The following ZNF385D variants were observed in gnomAD, a reference collection of about 807,000 sequenced individuals.
ZNF385D encodes the protein zinc finger protein 659.
A neutral mutation model predicts 35.8 loss-of-function variants in ZNF385D; 15 were observed. The observed-to-expected ratio is 0.42, with a 90% CI of 0.28 to 0.64. ZNF385D has a LOEUF of 0.64. Ranked by LOEUF, ZNF385D falls within the 30% of genes least tolerant of loss-of-function variation. The pLI, the probability that ZNF385D is intolerant of heterozygous loss-of-function variation, is 0.23. For synonymous variants in ZNF385D, 212 were observed against 186.8 expected (o/e 1.13, Z -1.10); for missense variants, 474 against 494.6 (o/e 0.96, Z 0.39).
intron 3 of ZNF385D, among the ~76,000 whole-genome samples, chr3:22,089,931 T>G (rs1701239403): frequency 6.6e-6 from 1 of 152,078 alleles, no homozygotes; most frequent in South Asian, 2.1e-4. Flanking sequence ...CTCTGCCTCC[T>G]GGGTTCAAGC....
chr3:22,244,364 T>TAAAAAAAAAAAAAAAAAAAAAAAAGAAAA (rs1699656199), intron 2 of ZNF385D, among the ~76,000 whole-genome samples: 1 of 62,558 alleles, frequency 1.6e-5, no homozygotes, highest in African/African-American at 5.2e-5. Flanking sequence ...CAACCGAATG[T>TAAAAAAAAAAAAAAAAAAAAAAAAGAAAA]AAAAAAAAAA....
rs373264406 is a variant in ZNF385D at position 21,566,987 on chromosome 3, A to G, written c.166-2303T>C. Reference sequence around the variant, plus strand: ...TGTCTGGAATCTTTCATTCAATACAATGGTGCTCAGATTCATCCATGTTGT... The same window carrying G: ...TGTCTGGAATCTTTCATTCAATACAGTGGTGCTCAGATTCATCCATGTTGT... On this transcript the variant is annotated intron_variant, in intron 2 of 7. Coordinates refer to ENST00000281523, the MANE Select transcript of ZNF385D (RefSeq NM_024697.3). Among the ~76,000 whole-genome samples, 71 of 152,284 alleles carry G rather than the reference A, an allele frequency of 4.7e-4. 1 individual carries two copies. Among genetic ancestry groups the G allele is most frequent in the African/African-American group, 1.5e-3 (63 of 41,572 alleles).
At chr3:21,852,374 A>C (rs1453813047) in intron 3 of ZNF385D, among the ~76,000 whole-genome samples, 1 of 151,908 alleles carries the variant, frequency 6.6e-6, no homozygotes, top group African/African-American at 2.4e-5. Flanking sequence ...TTCCAACACT[A>C]ATCCTAGGTC....
chr3:21,891,223 T>C (rs138052737), intron 3 of ZNF385D, among the ~76,000 whole-genome samples: 10 of 152,306 alleles, frequency 6.6e-5, no homozygotes, highest in African/African-American at 2.4e-4. Context: ...ATTGTTATTA[T>C]TGTTCTGTTT....
At chr3:21,744,621 G>A (rs962873380) in intron 1 of ZNF385D, among the ~76,000 whole-genome samples, 4 of 152,084 alleles carry the variant, frequency 2.6e-5, no homozygotes, top group African/African-American at 9.7e-5. Context: ...AACTGAAATT[G>A]TATCAGGTGA....
chr3:22,306,754 G>A (rs1325228467), intron 2 of ZNF385D, among the ~76,000 whole-genome samples: 1 of 152,160 alleles, frequency 6.6e-6, no homozygotes, highest in Non-Finnish European at 1.5e-5. Context: ...TGGGTATGGA[G>A]TAAGGGAGGA....
At chr3:21,891,976 A>G (rs1375534941) in intron 3 of ZNF385D, among the ~76,000 whole-genome samples, 1 of 152,194 alleles carries the variant, frequency 6.6e-6, no homozygotes, top group Non-Finnish European at 1.5e-5. Flanking sequence ...AATATTATCA[A>G]CAGCAGCAAA....
At chr3:21,869,421 A>G (rs1697565648) in intron 3 of ZNF385D, among the ~76,000 whole-genome samples, 1 of 152,164 alleles carries the variant, frequency 6.6e-6, no homozygotes, top group Non-Finnish European at 1.5e-5. Flanking sequence ...CCCACCGCTC[A>G]TCAGCACATC....
chr3:21,659,124 A>G (rs2066159962), intron 2 of ZNF385D, among the ~76,000 whole-genome samples: 1 of 151,468 alleles, frequency 6.6e-6, no homozygotes, highest in Non-Finnish European at 1.5e-5. Context: ...CTGTCATCGT[A>G]TTTCTAGTGT....
chr3:22,019,703 G>T, intron 3 of ZNF385D, among the ~76,000 whole-genome samples: 1 of 151,798 alleles, frequency 6.6e-6, no homozygotes, highest in East Asian at 1.9e-4. Flanking sequence ...AACCATTTTG[G>T]AGACTCTACA....
intron 2 of ZNF385D, among the ~76,000 whole-genome samples, chr3:22,307,103 G>C (rs1451482926): frequency 6.6e-6 from 1 of 152,080 alleles, no homozygotes; most frequent in Non-Finnish European, 1.5e-5. Context: ...TACAGGAATA[G>C]TCCCAAAGTT....
At chr3:22,133,065 T>A (rs75492280) in intron 3 of ZNF385D, among the ~76,000 whole-genome samples, 5,714 of 152,242 alleles carry the variant, frequency 0.038, 152 homozygotes, top group Non-Finnish European at 0.055. Context: ...TGAAAGCTAA[T>A]TGACTTATTA....
At chr3:21,940,415 G>A (rs1414302040) in intron 3 of ZNF385D, among the ~76,000 whole-genome samples, 1 of 152,188 alleles carries the variant, frequency 6.6e-6, no homozygotes, top group African/African-American at 2.4e-5. Flanking sequence ...AATTGGATGT[G>A]AAGATTAGGA....
Position 21,921,092 on chromosome 3 carries a change from G to A in ZNF385D, c.325+247725C>T, listed in dbSNP as rs191804915. ...AAAAAAAAATAGCCGGCGTGATGGC[G>A]GGCGCCTGTAGTCCCAGCTACTCGG... On this transcript the variant is annotated intron_variant, in intron 3 of 5. Coordinates refer to the ZNF385D transcript ENST00000494108. Among the ~76,000 whole-genome samples the A allele has an allele frequency of 4.1e-3, 623 of 151,676 alleles. 7 individuals are homozygous for A. Among genetic ancestry groups the A allele is most frequent in the African/African-American group, 0.014 (584 of 41,384 alleles).
intron 3 of ZNF385D, among the ~76,000 whole-genome samples, chr3:21,845,579 T>C (rs1695955398): frequency 6.6e-6 from 1 of 151,958 alleles, no homozygotes; most frequent in South Asian, 2.1e-4. Context: ...CTAGAAAACC[T>C]CTCAACATTG....
At chr3:22,289,078 G>A (rs1311248696) in intron 2 of ZNF385D, among the ~76,000 whole-genome samples, 1 of 152,004 alleles carries the variant, frequency 6.6e-6, no homozygotes, top group African/African-American at 2.4e-5. Context: ...TCTATCCTCA[G>A]GATAAAGCTG....
chr3:21,916,967 G>A lies in ZNF385D; in HGVS notation c.325+251850C>T, dbSNP rs113830824. On this transcript the variant is annotated intron_variant, in intron 3 of 5. Coordinates refer to the ZNF385D transcript ENST00000494108. ...GCTCCCCCACACTCCCACTGCTGCT[G>A]GTTGTTATCATGTTCTCTGCTGATT... Among the ~76,000 whole-genome samples, 67 of 152,200 alleles carry A rather than the reference G, an allele frequency of 4.4e-4. 1 individual carries two copies. Among genetic ancestry groups the A allele is most frequent in the African/African-American group, 1.5e-3 (61 of 41,518 alleles).
At chr3:21,744,056 T>C (rs2125533377) in intron 1 of ZNF385D, among the ~76,000 whole-genome samples, 1 of 152,280 alleles carries the variant, frequency 6.6e-6, no homozygotes, top group African/African-American at 2.4e-5. Context: ...TTCTCCATTG[T>C]AAAGAGCACT....
At chr3:21,507,625 A>C (rs760413412) in intron 4 of ZNF385D, among the ~76,000 whole-genome samples, 5 of 152,110 alleles carry the variant, frequency 3.3e-5, no homozygotes, top group Non-Finnish European at 5.9e-5. Flanking sequence ...TTTTGAGATG[A>C]GGTCTCACTT....
Sources: gnomAD v4.1 joint callset for allele counts (sites outside exome capture counted in the v4.1 genomes callset) on GRCh38, gnomAD v4.1.1 for gene constraint, MANE v1.5 for transcripts, NCBI Gene and HGNC (gene_info 2026-07-23, HGNC 2026-07-21) for gene names.